BCAS3: variants seen among roughly 807,000 people sequenced by gnomAD.
BCAS3 encodes the protein BCAS3 microtubule associated cell migration factor, also known as BCAS4/BCAS3 fusion.
Under a neutral mutation model 116.1 loss-of-function variants are expected in BCAS3, and 53 were observed. The ratio of observed to expected loss-of-function variants is 0.46; its 90% CI spans 0.37 to 0.57. BCAS3 has a LOEUF of 0.57. BCAS3 is among the 20% of genes least tolerant of loss of function. BCAS3 has a pLI of 0.00. For synonymous variants in BCAS3, 391 were observed against 408.2 expected (o/e 0.96, Z 0.51); for missense variants, 917 against 1,165.4 (o/e 0.79, Z 3.10).
intron 14 of BCAS3, among the ~76,000 whole-genome samples, chr17:60,968,866 C>T (rs1350466347): frequency 1.3e-5 from 2 of 152,158 alleles, no homozygotes; most frequent in African/African-American, 4.8e-5. Flanking sequence ...AGGGTTGTTT[C>T]TCCCATCAGG....
rs1223020462 is a variant in BCAS3, at chr17:61,021,750, A to G, written c.1637+5849A>G. 6.6e-6 allele frequency among the ~76,000 whole-genome samples: 1 copy of G among 152,232 alleles called. No homozygotes were observed. Among genetic ancestry groups the G allele is most frequent in the Non-Finnish European group, 1.5e-5 (1 of 68,034 alleles). On this transcript the variant is annotated intron_variant, in intron 16 of 23. Transcript: ENST00000407086. The surrounding 1 kb of genome is among the most constrained non-coding windows in gnomAD (Gnocchi z 4.6). Reference sequence around the variant, plus strand: ...AAATAGCATTTATTCAGACACATCCAGTTGATATTTGTAGACCAAATCTAC... The same window carrying G: ...AAATAGCATTTATTCAGACACATCCGGTTGATATTTGTAGACCAAATCTAC...
intron 22 of BCAS3, among the ~76,000 whole-genome samples, chr17:61,304,151 C>T (rs2053654946): frequency 6.6e-6 from 1 of 152,174 alleles, no homozygotes; most frequent in South Asian, 2.1e-4. Flanking sequence ...TCCTTTTCAT[C>T]CCTATTACCA....
chr17:60,739,239 C>T (rs2041284468), intron 5 of BCAS3, among the ~76,000 whole-genome samples: 1 of 152,092 alleles, frequency 6.6e-6, no homozygotes, highest in Admixed American at 6.5e-5. Context: ...CACACAATAC[C>T]ACACATATAT....
At chr17:61,163,430 G>GA (rs11438901) in intron 22 of BCAS3, among the ~76,000 whole-genome samples, 106,505 of 144,208 alleles carry the variant, frequency 0.74, 39,558 homozygotes, top group South Asian at 0.89. Context: ...TCTCAGAAAG[G>GA]AAAAAAAAAA....
chr17:61,391,619 T>G lies in BCAS3; in HGVS notation c.2594-358T>G. 1 of 194,456 alleles carries G rather than the reference T, an allele frequency of 5.1e-6. No individual in the cohort carries two copies. The highest frequency in any genetic ancestry group is 1.0e-5 in the Non-Finnish European group (1 of 96,496). The allele number at this position is 194,456 out of a possible 1,614,324, so 12.0% of individuals were successfully genotyped here. On this transcript the variant is annotated intron_variant, in intron 23 of 23. Transcript: ENST00000407086. This position sits in a 1 kb window ranked among gnomAD's most constrained non-coding sequence, Gnocchi z 7.7. ...AGCCGGGACAGAAGGCACTGTGGAG[T>G]TGGGGGCATGCTGGCTGAGCATGAG...
In BCAS3 at chr17:61,356,959, G is replaced by A. The variant is rs2058168679; in HGVS notation, c.2426-11368G>A. ...CCGGCTGAGTCAGGACCGAGCACAGGACTTGACAGAGGAGGCATCGCAGCA... is the reference window on the plus strand; with the variant it reads ...CCGGCTGAGTCAGGACCGAGCACAGAACTTGACAGAGGAGGCATCGCAGCA... On this transcript the variant is annotated intron_variant, in intron 22 of 23. Coordinates refer to ENST00000407086, the MANE Select transcript of BCAS3 (RefSeq NM_017679.5). This position sits in a 1 kb window ranked among gnomAD's most constrained non-coding sequence, Gnocchi z 5.4. 6.6e-6 allele frequency: 1 copy of A among 152,248 alleles called. No individual in the cohort carries two copies. The highest frequency in any genetic ancestry group is 6.5e-5 in the Admixed American group (1 of 15,286). 9.4% of individuals were successfully genotyped at this position (152,248 alleles called of 1,614,324 possible). A position where few individuals can be genotyped will look rare whatever the true frequency, so the allele number is the denominator to read the frequency against.
At chr17:61,341,005 G>A (rs1052707695) in intron 22 of BCAS3, among the ~76,000 whole-genome samples, 7 of 152,216 alleles carry the variant, frequency 4.6e-5, no homozygotes, top group Non-Finnish European at 8.8e-5. Flanking sequence ...GCGCTGGAAG[G>A]GAGGAGGGTC....
chr17:60,806,064 A>T (rs982101656), intron 6 of BCAS3, among the ~76,000 whole-genome samples: 2 of 150,596 alleles, frequency 1.3e-5, no homozygotes, highest in African/African-American at 4.9e-5. Context: ...TAAACTAGAG[A>T]TGGGGTTTCA....
rs114254230 is a variant in BCAS3 at position 61,109,372 on chromosome 17, C to T, written c.2425+24808C>T. On this transcript the variant is annotated intron_variant, in intron 22 of 23. Transcript: ENST00000407086. ...TGATTAATGGGAATTTGGTTTGGTTCCATGTTTTTGCAATCGCAAATTGTG... is the reference window on the plus strand; with the variant it reads ...TGATTAATGGGAATTTGGTTTGGTTTCATGTTTTTGCAATCGCAAATTGTG... Among the ~76,000 whole-genome samples, 312 of 151,424 alleles carry T rather than the reference C, an allele frequency of 2.1e-3. 2 individuals are homozygous for T. The highest frequency in any genetic ancestry group is 7.1e-3 in the African/African-American group (293 of 41,192).
In BCAS3 at chr17:60,747,272, A is replaced by T; in HGVS notation, c.396A>T (p.Pro132=). ...GAGCGGCTAGAATCTTGCCTGCTCC[A>T]CAGTTTGGTGAGTGTAGTCCTTAAG... ...PIRAARILPA[P]QFGAQKCDNF... Residue 132 remains proline, a synonymous_variant, in exon 6 of 24, where the codon CCA becomes CCT. Coordinates refer to ENST00000407086, the MANE Select transcript of BCAS3 (RefSeq NM_017679.5). 1 of 1,612,472 alleles carries T rather than the reference A, an allele frequency of 6.2e-7. No homozygotes were observed. The highest frequency in any genetic ancestry group is 8.5e-7 in the Non-Finnish European group (1 of 1,178,626).
intron 11 of BCAS3, among the ~76,000 whole-genome samples, chr17:60,906,463 C>G (rs1264420801): frequency 1.3e-5 from 2 of 152,070 alleles, no homozygotes; most frequent in Admixed American, 1.3e-4. Flanking sequence ...GGGAATGTCA[C>G]CAAGTAGACC....
intron 2 of BCAS3, 127 bp from the exon 3 acceptor site, chr17:60,683,855 C>A: frequency 1.2e-6 from 1 of 843,608 alleles, no homozygotes; most frequent in Non-Finnish European, 1.8e-6. Context: ...ACAAAACAAA[C>A]AAAAAAACCC....
At chr17:60,979,245 AT>A (rs1265404909) in intron 14 of BCAS3, among the ~76,000 whole-genome samples, 1 of 149,824 alleles carries the variant, frequency 6.7e-6, no homozygotes, top group Non-Finnish European at 1.5e-5. Context: ...ATTCCTAGGT[AT>A]TTTATTCTCT....
At chr17:61,143,954 G>A (rs2077060387) in intron 22 of BCAS3, among the ~76,000 whole-genome samples, 1 of 152,200 alleles carries the variant, frequency 6.6e-6, no homozygotes, top group Admixed American at 6.5e-5. Flanking sequence ...CAAGTAGATG[G>A]TGATTATTCA....
chr17:60,956,457 G>A lies in BCAS3; in HGVS notation c.1221+9105G>A, dbSNP rs1019993743. ...TCCCATCTGTTCTAGTCACTGAGATGCTCTACCTCATCTCTGACCTTTTAG... is the reference window on the plus strand; with the variant it reads ...TCCCATCTGTTCTAGTCACTGAGATACTCTACCTCATCTCTGACCTTTTAG... On this transcript the variant is annotated intron_variant, in intron 14 of 23. Transcript: ENST00000407086. This position sits in a 1 kb window ranked among gnomAD's most constrained non-coding sequence, Gnocchi z 4.2. 1.3e-5 allele frequency among the ~76,000 whole-genome samples: 2 copies of A among 152,130 alleles called. No homozygotes were observed. The highest frequency in any genetic ancestry group is 2.4e-5 in the African/African-American group (1 of 41,420).
At chr17:61,191,872 G>T (rs1358855479) in intron 22 of BCAS3, among the ~76,000 whole-genome samples, 6 of 152,118 alleles carry the variant, frequency 3.9e-5, no homozygotes, top group Non-Finnish European at 8.8e-5. Context: ...AACAATTTTA[G>T]ACTGTATATT....
intron 5 of BCAS3, among the ~76,000 whole-genome samples, chr17:60,740,464 A>G (rs934210838): frequency 1.4e-5 from 2 of 143,208 alleles, no homozygotes; most frequent in Non-Finnish European, 3.0e-5. Context: ...ATGGTACTAC[A>G]CTCCAGCCTG....
intron 2 of BCAS3, among the ~76,000 whole-genome samples, chr17:60,681,684 T>C (rs1388820852): frequency 1.5e-4 from 23 of 151,126 alleles, no homozygotes; most frequent in Admixed American, 1.5e-3. Flanking sequence ...CCCAAGTAGC[T>C]GGGATTACAA....
At chr17:60,975,247 C>G (rs944654607) in intron 14 of BCAS3, among the ~76,000 whole-genome samples, 2 of 151,452 alleles carry the variant, frequency 1.3e-5, no homozygotes, top group African/African-American at 2.4e-5. Context: ...ATGATCCACC[C>G]GCCTCGGCCT....
Sources: gnomAD v4.1 joint callset for allele counts (sites outside exome capture counted in the v4.1 genomes callset) on GRCh38, gnomAD v4.1.1 for gene constraint, Gnocchi (gnomAD v3.1) non-coding constraint, MANE v1.5 for transcripts, NCBI Gene and HGNC (gene_info 2026-07-23, HGNC 2026-07-21) for gene names.